The following SMC4 variants were observed in gnomAD, a reference collection of about 807,000 sequenced individuals.
SMC4 encodes the protein structural maintenance of chromosomes protein 4.
In SMC4, 87 loss-of-function variants were observed where a neutral mutation model predicts 145.6. The observed-to-expected ratio is 0.60, with a 90% CI of 0.50 to 0.71. SMC4 has a LOEUF of 0.71. Among genes scored for constraint, SMC4 ranks in the 30% least tolerant of loss-of-function variants. The pLI is 0.00. For missense variants in SMC4, 1,447 were observed against 1,537.1 expected, an observed-to-expected ratio of 0.94 and a Z score of 0.98; for synonymous variants, 558 against 500.7, an observed-to-expected ratio of 1.11 and a Z score of -1.53.
At position 160,424,379 on chromosome 3, in the gene SMC4, A is replaced by G. The variant is rs201873153; in HGVS notation, c.2326-488A>G. Among the ~76,000 whole-genome samples the G allele has an allele frequency of 7.9e-5, 12 of 152,312 alleles. No homozygotes were observed. In the East Asian group the frequency reaches 2.3e-3, roughly 29 times the overall value. ...TTAAGTATTTGAATGCTGTACCTTC[A>G]TTGAAATAATAGGTGACTGTACAAC... On this transcript the variant is annotated intron_variant, in intron 15 of 23. Transcript: ENST00000357388.
intron 9 of SMC4, among the ~76,000 whole-genome samples, chr3:160,416,013 C>CA (rs944139865): frequency 7.9e-5 from 12 of 152,152 alleles, no homozygotes; most frequent in African/African-American, 2.9e-4. Flanking sequence ...CTGCCAGAGA[C>CA]AGTTTTCCTT....
intron 4 of SMC4, chr3:160,404,122 T>C: frequency 4.2e-6 from 2 of 476,210 alleles, no homozygotes; most frequent in South Asian, 6.2e-5. Flanking sequence ...TTTGTGATCT[T>C]TGAGAAAGGG....
At chr3:160,425,074 A>G (rs1717640573) in intron 16 of SMC4, 55 bp downstream of exon 16, 2 of 1,460,790 alleles carry the variant, frequency 1.4e-6, no homozygotes, top group South Asian at 1.3e-5. Context: ...TTGGGATTCA[A>G]CTGGAATTTA....
In SMC4 at chr3:160,417,772, G is replaced by T. The variant is rs376065426; in HGVS notation, c.1487G>T (p.Arg496Leu). 1.1e-5 allele frequency: 18 copies of T among 1,613,172 alleles called. No homozygotes were observed. Among genetic ancestry groups the T allele is most frequent in the Non-Finnish European group, 1.5e-5 (18 of 1,179,776 alleles). Reference sequence around the variant, plus strand: ...TTCAGCAAATCGGTAAATGAAGCACGTTCAAAGATGGATGTAGCCCAGTCA... The same window carrying T: ...TTCAGCAAATCGGTAAATGAAGCACTTTCAAAGATGGATGTAGCCCAGTCA... ...MGFSKSVNEA[R>L]SKMDVAQSEL... Residue 496 changes from arginine to leucine, a missense_variant, in exon 11 of 24, where the codon CGT becomes CTT. Physicochemically the swap from Arg to Leu is moderately radical, Grantham distance 102 (BLOSUM62 -2). Coordinates refer to ENST00000357388, the MANE Select transcript of SMC4 (RefSeq NM_001002800.3).
At chr3:160,425,095 T>C (rs985925059) in intron 16 of SMC4, 76 bp downstream of exon 16, 131 of 1,467,286 alleles carry the variant, frequency 8.9e-5, no homozygotes, top group Non-Finnish European at 1.1e-4. Flanking sequence ...TCAGAACCAT[T>C]TTGCTATTTG....
rs901495310 is a variant in SMC4 at position 160,426,264 on chromosome 3, T to G, written c.2605+64T>G. 157 of 1,196,772 alleles carry G rather than the reference T, an allele frequency of 1.3e-4. 1 individual carries two copies. The highest frequency in any genetic ancestry group is 1.4e-4 in the Non-Finnish European group (115 of 828,608). 74.1% of individuals were successfully genotyped at this position (1,196,772 alleles called of 1,614,324 possible). A position where few individuals can be genotyped will look rare whatever the true frequency, so the allele number is the denominator to read the frequency against. On this transcript the variant is annotated intron_variant, in intron 17 of 23. Transcript: ENST00000357388. ...AAACAGGTTTTTAAAGCTTGCAATA[T>G]TTAAGAAGCAGTAGAATAATAATAG... is the stretch of plus-strand genomic sequence containing the variant.
rs369027493 is a variant in SMC4 at position 160,423,349 on chromosome 3, G to GTT, written c.2020-68_2020-67dup. On this transcript the variant is annotated intron_variant, in intron 13 of 23. Transcript: ENST00000357388. ...TCTTTTGTTGAATTTATTCCTATGGGTTTTTTTTTGTTTTTTTTTTTGAGT... is the reference window on the plus strand; with the variant it reads ...TCTTTTGTTGAATTTATTCCTATGGGTTTTTTTTTTTGTTTTTTTTTTTGAGT... 3.9e-4 allele frequency: 319 copies of GTT among 812,304 alleles called. 6 individuals are homozygous for GTT. The highest frequency in any genetic ancestry group is 7.6e-4 in the Middle Eastern group (2 of 2,642). The allele number at this position is 812,304 out of a possible 1,614,324, so 50.3% of individuals were successfully genotyped here.
At position 160,414,484 on chromosome 3, in the gene SMC4, A is replaced by C; in HGVS notation, c.1239A>C (p.Lys413Asn). The change falls in exon 9 of 24, where the codon AAA becomes AAC. Residue 413 changes from lysine (K) to asparagine (N), a missense_variant. Coordinates refer to ENST00000357388, the MANE Select transcript of SMC4 (RefSeq NM_001002800.3). ...AACATGCCACGAGTAAAGCCAAAAAACTGGAGAAACAACTTCAAAAAGATA... is the reference window on the plus strand; with the variant it reads ...AACATGCCACGAGTAAAGCCAAAAACCTGGAGAAACAACTTCAAAAAGATA... The part of the protein sequence containing the change: ...KLKHATSKAK[K>N]LEKQLQKDKE... 1 of 1,611,458 alleles carries C rather than the reference A, an allele frequency of 6.2e-7. No individual in the cohort carries two copies. The highest frequency in any genetic ancestry group is 1.3e-5 in the African/African-American group (1 of 74,708).
At position 160,412,519 on chromosome 3, in the gene SMC4, T is replaced by C. The variant is rs1716121462; in HGVS notation, c.980+66T>C. The C allele has an allele frequency of 2.0e-6, 3 of 1,479,992 alleles. No homozygotes were observed. The South Asian group carries it at 4.2e-5, about 21-fold the overall frequency. 91.7% of individuals were successfully genotyped at this position (1,479,992 alleles called of 1,614,324 possible). ...TTTAACCATTAAGTCAAAGCCCTTC[T>C]CTTTTCCTAGAGAAACATGAAGACT... On this transcript the variant is annotated intron_variant, in intron 7 of 23. Transcript: ENST00000357388.
At position 160,431,669 on chromosome 3, in the gene SMC4, A is replaced by T. The variant is rs1312882481; in HGVS notation, c.3141A>T (p.Ile1047=). ...KEISKISLHP[I]EDNPIEEISV... ...TTTCAAAAATATCACTGCATCCTAT[A>T]GAAGATAATCCTATTGAAGAGATTT... is the stretch of plus-strand genomic sequence containing the variant. The change falls in exon 21 of 24, where the codon ATA becomes ATT. Residue 1047 remains isoleucine (I), a synonymous_variant. Transcript: ENST00000357388. The T allele has an allele frequency of 1.2e-6, 2 of 1,602,766 alleles. No homozygotes were observed.
At position 160,428,737 on chromosome 3, in the gene SMC4, T is replaced by C; in HGVS notation, c.2606-16T>C. On this transcript the variant is annotated splice_polypyrimidine_tract_variant and intron_variant, in intron 17 of 23. Coordinates refer to ENST00000357388, the MANE Select transcript of SMC4 (RefSeq NM_001002800.3). Reference sequence around the variant, plus strand: ...GCATAAAAACACAAATTAGGTTCTTTATTTTTTAATTTCAGAATATGATGC... The same window carrying C: ...GCATAAAAACACAAATTAGGTTCTTCATTTTTTAATTTCAGAATATGATGC... 1.3e-6 allele frequency: 2 copies of C among 1,560,418 alleles called. No individual in the cohort carries two copies. Among genetic ancestry groups the C allele is most frequent in the Non-Finnish European group, 1.7e-6 (2 of 1,165,338 alleles).
chr3:160,433,070 C>T lies in SMC4; in HGVS notation c.3575C>T (p.Ser1192Leu), dbSNP rs762941056. The T allele has an allele frequency of 5.0e-6, 8 of 1,613,410 alleles. No homozygotes were observed. The highest frequency in any genetic ancestry group is 1.3e-5 in the African/African-American group (1 of 74,892). ...AGTTGGAAAAAGATCTTCAACCTTT[C>T]GGGAGGAGAGAAAACACTTAGTTCA... ...KKSWKKIFNL[S>L]GGEKTLSSLA... Residue 1192 changes from serine to leucine, a missense_variant, in exon 23 of 24, where the codon TCG becomes TTG. Ser to Leu is a moderately radical substitution (Grantham distance 145). Coordinates refer to ENST00000357388, the MANE Select transcript of SMC4 (RefSeq NM_001002800.3).
Position 160,433,018 on chromosome 3 carries a change from C to A in SMC4, c.3531-8C>A. 1.9e-6 allele frequency: 3 copies of A among 1,597,930 alleles called. No individual in the cohort carries two copies. Among genetic ancestry groups the A allele is most frequent in the Non-Finnish European group, 2.6e-6 (3 of 1,166,722 alleles). ...GTAATTTGACTATGATTTTCTTAAT[C>A]ATTTCAGTGTTCGACCACCTAAGAA... On this transcript the variant is annotated splice_region_variant and splice_polypyrimidine_tract_variant and intron_variant, in intron 22 of 23. Transcript: ENST00000357388.
intron 5 of SMC4, among the ~76,000 whole-genome samples, chr3:160,406,251 A>G (rs1715316231): frequency 6.6e-6 from 1 of 152,122 alleles, no homozygotes; most frequent in Non-Finnish European, 1.5e-5. Flanking sequence ...GAATGTTCCA[A>G]GTTAACAGAT....
intron 15 of SMC4, among the ~76,000 whole-genome samples, chr3:160,424,150 T>C (rs1020616331): frequency 2.6e-5 from 4 of 152,194 alleles, no homozygotes; most frequent in African/African-American, 4.8e-5. Flanking sequence ...TTTGTATTAT[T>C]GCTGTATTAC....
chr3:160,412,175 T>C, intron 6 of SMC4, 91 bp downstream of exon 6: 1 of 1,457,616 alleles, frequency 6.9e-7, no homozygotes, highest in Non-Finnish European at 9.3e-7. Context: ...GTTATAATAC[T>C]TAATGAAGAA....
rs770631443 is a variant in SMC4 at position 160,416,423 on chromosome 3, T to G, written c.1437+8T>G. On this transcript the variant is annotated splice_region_variant and intron_variant, in intron 10 of 23. Coordinates refer to ENST00000357388, the MANE Select transcript of SMC4 (RefSeq NM_001002800.3). ...CTTCAGAAAGAAAAAGAAGTAAGTT[T>G]TTTTTTTTTATCAGTGTTTATTTTG... 6.8e-6 allele frequency: 10 copies of G among 1,463,178 alleles called. No individual in the cohort carries two copies. In the Middle Eastern group the frequency reaches 9.6e-4, roughly 140 times the overall value. The allele number at this position is 1,463,178 out of a possible 1,614,324, so 90.6% of individuals were successfully genotyped here.
intron 11 of SMC4, among the ~76,000 whole-genome samples, chr3:160,418,510 CTGTT>C (rs1300158747): frequency 4.6e-5 from 7 of 152,144 alleles, no homozygotes; most frequent in Admixed American, 2.6e-4. Flanking sequence ...AAAAAAAAAT[CTGTT>C]TGAAGTGTAA....
intron 11 of SMC4, among the ~76,000 whole-genome samples, chr3:160,418,171 A>T (rs1460271589): frequency 2.0e-5 from 3 of 152,168 alleles, no homozygotes; most frequent in Non-Finnish European, 4.4e-5. Flanking sequence ...TAGTAAGTAA[A>T]TCACCACCAC....
Sources: allele counts gnomAD v4.1 joint callset (sites outside exome capture counted in the v4.1 genomes callset), GRCh38; gene constraint gnomAD v4.1.1; transcripts MANE v1.5; gene names NCBI Gene and HGNC (gene_info 2026-07-23, HGNC 2026-07-21).